The following HRH2 variants were observed in gnomAD, a reference collection of about 807,000 sequenced individuals.
The protein encoded by HRH2 is histamine H2 receptor.
A neutral mutation model predicts 20.1 loss-of-function variants in HRH2; 4 were observed. The ratio of observed to expected loss-of-function variants is 0.20; its 90% confidence interval spans 0.10 to 0.45. HRH2 has a LOEUF of 0.45. Among genes scored for constraint, HRH2 ranks in the 20% least tolerant of loss-of-function variants. HRH2 has a pLI of 0.99. For synonymous variants in HRH2, 197 were observed against 200.7 expected, an observed-to-expected ratio of 0.98 and a Z score of 0.16; for missense variants, 250 against 461.6, an observed-to-expected ratio of 0.54 and a Z score of 4.20.
rs999710766 is a variant in HRH2, at chr5:175,708,932, G to A, written c.*961G>A. ...GAGGGACTGTAATGGTTGTGAATGG[G>A]GGAGTTGGCCCCCAGCACTCTCTGG... On this transcript the variant is annotated 3_prime_UTR_variant, in exon 3 of 3. Coordinates refer to ENST00000636584, the MANE Select transcript of HRH2 (RefSeq NM_001367711.1). The A allele has an allele frequency of 6.6e-6, 1 of 152,102 alleles. No homozygotes were observed. The highest frequency in any genetic ancestry group is 1.5e-5 in the Non-Finnish European group (1 of 68,062). 9.4% of individuals were successfully genotyped at this position (152,102 alleles called of 1,614,324 possible). A position where few individuals can be genotyped will look rare whatever the true frequency, so the allele number is the denominator to read the frequency against.
chr5:175,661,650 A>G (rs4868528), intron 1 of HRH2, among the ~76,000 whole-genome samples: 39,558 of 152,072 alleles, frequency 0.26, 7,460 homozygotes, highest in African/African-American at 0.53. Context: ...TCTCTGCACT[A>G]TAGAGGTGAA....
rs535257116 is a variant in HRH2, at chr5:175,686,652, C to T, written c.1076+2343C>T. Among the ~76,000 whole-genome samples, 21 of 152,328 alleles carry T rather than the reference C, an allele frequency of 1.4e-4. No homozygotes were observed. Among genetic ancestry groups the T allele is most frequent in the African/African-American group, 4.8e-4 (20 of 41,576 alleles). ...GGCGCATGGGCCCGGGAGCCCATCC[C>T]GGAGAGGAGACCTCTGAGCTTTTAA... On this transcript the variant is annotated intron_variant, in intron 2 of 2. Coordinates refer to ENST00000636584, the MANE Select transcript of HRH2 (RefSeq NM_001367711.1). The surrounding 1 kb of genome is among the most constrained non-coding windows in gnomAD (Gnocchi z 4.7).
intron 2 of HRH2, chr5:175,685,303 T>A: frequency 9.7e-7 from 1 of 1,033,460 alleles, no homozygotes; most frequent in Non-Finnish European, 1.4e-6. Context: ...GACAGCTTAC[T>A]GGTCTGGGCT....
chr5:175,662,989 T>C (rs1401848604), intron 1 of HRH2, among the ~76,000 whole-genome samples: 1 of 152,244 alleles, frequency 6.6e-6, no homozygotes, highest in African/African-American at 2.4e-5. Flanking sequence ...TGTTGTTGCA[T>C]GTATCAGCGC....
At chr5:175,678,809 C>CA (rs1755852939) in intron 1 of HRH2, among the ~76,000 whole-genome samples, 1 of 152,238 alleles carries the variant, frequency 6.6e-6, no homozygotes, top group Non-Finnish European at 1.5e-5. Flanking sequence ...GTGCAATTGC[C>CA]AGGCTCCCAC....
intron 1 of HRH2, among the ~76,000 whole-genome samples, chr5:175,662,447 G>A (rs1406981164): frequency 6.6e-6 from 1 of 152,102 alleles, no homozygotes; most frequent in Non-Finnish European, 1.5e-5. Context: ...AATGTCAATA[G>A]TGCCGAGGTT....
In HRH2 at chr5:175,709,551, T is replaced by C. The variant is rs1757035261; in HGVS notation, c.*1580T>C. 6.6e-6 allele frequency: 1 copy of C among 152,536 alleles called. No individual in the cohort carries two copies. The highest frequency in any genetic ancestry group is 1.5e-5 in the Non-Finnish European group (1 of 68,324). The allele number at this position is 152,536 out of a possible 1,614,324, so 9.4% of individuals were successfully genotyped here. On this transcript the variant is annotated 3_prime_UTR_variant, in exon 3 of 3. Coordinates refer to ENST00000636584, the MANE Select transcript of HRH2 (RefSeq NM_001367711.1). ...GTGCCTGCCTTCTCCCTGCACCTGC[T>C]CTGCTCCCCAGGTCCCTTTCTCAGA...
rs1337790913 is a variant in HRH2 at position 175,686,991 on chromosome 5, C to A, written c.1076+2682C>A. On this transcript the variant is annotated intron_variant, in intron 2 of 2. Transcript: ENST00000636584. The surrounding 1 kb of genome is among the most constrained non-coding windows in gnomAD (Gnocchi z 4.7). ...CCCTGGGTGGGAGGCTGTGAAGAAA[C>A]CAGGGCCAGCAGAGAGGTGGTGCCT... Among the ~76,000 whole-genome samples the A allele has an allele frequency of 6.6e-6, 1 of 152,110 alleles. No homozygotes were observed. Among genetic ancestry groups the A allele is most frequent in the East Asian group, 1.9e-4 (1 of 5,170 alleles).
At chr5:175,663,714 G>C (rs1762803942) in intron 1 of HRH2, among the ~76,000 whole-genome samples, 1 of 152,212 alleles carries the variant, frequency 6.6e-6, no homozygotes, top group African/African-American at 2.4e-5. Flanking sequence ...ATCAGCCCCA[G>C]AGAGGCCCTC....
chr5:175,702,720 TTTTTC>T (rs1366392966), intron 2 of HRH2, among the ~76,000 whole-genome samples: 3 of 146,860 alleles, frequency 2.0e-5, no homozygotes, highest in African/African-American at 7.7e-5. Context: ...CCTGGCTAAT[TTTTTC>T]TTTTTTTTTT....
In HRH2 at chr5:175,683,146, G is replaced by T; in HGVS notation, c.-88G>T. 7.1e-7 allele frequency: 1 copy of T among 1,410,546 alleles called. No individual in the cohort carries two copies. Among genetic ancestry groups the T allele is most frequent in the Non-Finnish European group, 9.6e-7 (1 of 1,042,272 alleles). 87.4% of individuals were successfully genotyped at this position (1,410,546 alleles called of 1,614,324 possible). ...ATTTTGGATCTGTTGGGAGCTTGGA[G>T]TCCAGTGGTTGGCATAGTTGTCACA... On this transcript the variant is annotated 5_prime_UTR_variant, in exon 2 of 3. Coordinates refer to ENST00000636584, the MANE Select transcript of HRH2 (RefSeq NM_001367711.1).
rs542786972 is a variant in HRH2 at position 175,668,763 on chromosome 5, C to T, written c.-526+10608C>T. 1.2e-4 allele frequency among the ~76,000 whole-genome samples: 18 copies of T among 152,072 alleles called. 1 individual carries two copies. Among genetic ancestry groups the T allele is most frequent in the Admixed American group, 8.5e-4 (13 of 15,290 alleles). On this transcript the variant is annotated intron_variant, in intron 1 of 2. Transcript: ENST00000636584. ...CAATCGCGTGCTCCCAGAAGCAGAG[C>T]GAGGGTGACAGGCACTCAAAGACTC...
chr5:175,673,062 T>C (rs2113494150), intron 1 of HRH2, among the ~76,000 whole-genome samples: 1 of 152,056 alleles, frequency 6.6e-6, no homozygotes, highest in Middle Eastern at 3.4e-3. Context: ...TCTGAGCCAG[T>C]GGTAAGAGCG....
At chr5:175,697,426 G>A (rs1011843746) in intron 2 of HRH2, among the ~76,000 whole-genome samples, 8 of 146,362 alleles carry the variant, frequency 5.5e-5, no homozygotes, top group African/African-American at 2.1e-4. Context: ...TAGCGCCACT[G>A]CAGTCCAGCT....
At chr5:175,700,157 A>G (rs1020759531) in intron 2 of HRH2, among the ~76,000 whole-genome samples, 13 of 152,194 alleles carry the variant, frequency 8.5e-5, no homozygotes, top group Admixed American at 6.5e-4. Context: ...GTTGCTGCTC[A>G]GATATTTGTT....
At chr5:175,659,016 G>T (rs922860370) in intron 1 of HRH2, among the ~76,000 whole-genome samples, 1 of 152,180 alleles carries the variant, frequency 6.6e-6, no homozygotes, top group African/African-American at 2.4e-5. Flanking sequence ...TCCTGGAGGC[G>T]GTTGCCTCTT....
chr5:175,706,673 A>C (rs979892969), intron 2 of HRH2, among the ~76,000 whole-genome samples: 6 of 152,204 alleles, frequency 3.9e-5, no homozygotes, highest in African/African-American at 4.8e-5. Context: ...GATGACCTTG[A>C]GGCCCAGGTG....
intron 1 of HRH2, among the ~76,000 whole-genome samples, chr5:175,663,190 G>A (rs1035177728): frequency 6.6e-6 from 1 of 152,214 alleles, no homozygotes; most frequent in Non-Finnish European, 1.5e-5. Context: ...CCTCGGAGTA[G>A]AATGGCTGGA....
At chr5:175,670,055 C>G (rs775213897) in intron 1 of HRH2, among the ~76,000 whole-genome samples, 1 of 152,134 alleles carries the variant, frequency 6.6e-6, no homozygotes, top group Non-Finnish European at 1.5e-5. Context: ...CATCACTGCT[C>G]GGTGTCACTC....
Sources: gnomAD v4.1 joint callset for allele counts (sites outside exome capture counted in the v4.1 genomes callset) on GRCh38, gnomAD v4.1.1 for gene constraint, Gnocchi (gnomAD v3.1) non-coding constraint, MANE v1.5 for transcripts, NCBI Gene and HGNC (gene_info 2026-07-23, HGNC 2026-07-21) for gene names.